The following TMEM232 variants were observed in gnomAD, a reference collection of about 807,000 sequenced individuals.
TMEM232 encodes transmembrane protein 232.
In TMEM232, 80 loss-of-function variants were observed where a neutral mutation model predicts 78.8. The observed-to-expected ratio is 1.01, with a 90% CI of 0.85 to 1.22. The LOEUF (loss-of-function observed/expected upper bound fraction) is 1.22. Ranked by LOEUF, TMEM232 falls within the 50% of genes most tolerant of loss-of-function variation. The pLI is 0.00. For synonymous variants in TMEM232, 297 were observed against 254.3 expected (o/e 1.17, Z -1.60); for missense variants, 881 against 742.2 (o/e 1.19, Z -2.17).
At chr5:110,444,634 C>T (rs1759449571) in intron 12 of TMEM232, among the ~76,000 whole-genome samples, 1 of 152,082 alleles carries the variant, frequency 6.6e-6, no homozygotes, top group South Asian at 2.1e-4. Context: ...TTGCTCTACC[C>T]CTTAAATGTT....
At chr5:110,663,653 C>G (rs950640930) in intron 2 of TMEM232, among the ~76,000 whole-genome samples, 1 of 134,808 alleles carries the variant, frequency 7.4e-6, no homozygotes. Flanking sequence ...GTTAAGTCTC[C>G]CCAAATTGAT....
intron 5 of TMEM232, among the ~76,000 whole-genome samples, chr5:110,635,739 A>T (rs1452474809): frequency 2.0e-5 from 3 of 151,696 alleles, no homozygotes; most frequent in African/African-American, 7.3e-5. Context: ...AATGGCTATT[A>T]TTAAAAAGAC....
intron 1 of TMEM232, among the ~76,000 whole-genome samples, chr5:110,724,953 C>T (rs376934124): frequency 1.4e-4 from 21 of 151,884 alleles, no homozygotes; most frequent in African/African-American, 4.3e-4. Flanking sequence ...CTGTTGAAAA[C>T]GCAATGAAAG....
At chr5:110,588,141 T>C (rs1779085940) in intron 10 of TMEM232, among the ~76,000 whole-genome samples, 1 of 152,104 alleles carries the variant, frequency 6.6e-6, no homozygotes, top group South Asian at 2.1e-4. Flanking sequence ...AAATTATTGC[T>C]CTGTGCTAAT....
At chr5:110,478,542 T>C (rs374060326) in intron 12 of TMEM232, among the ~76,000 whole-genome samples, 5 of 152,014 alleles carry the variant, frequency 3.3e-5, no homozygotes, top group African/African-American at 1.2e-4. Context: ...TTTTCCAACA[T>C]ATTTTGCATG....
intron 12 of TMEM232, among the ~76,000 whole-genome samples, chr5:110,446,824 G>C (rs1186424267): frequency 6.6e-6 from 1 of 152,046 alleles, no homozygotes; most frequent in East Asian, 1.9e-4. Context: ...TGGGTTTGCT[G>C]CATCCCTATA....
intron 6 of TMEM232, among the ~76,000 whole-genome samples, chr5:110,626,649 G>A (rs1287593799): frequency 1.3e-5 from 2 of 151,192 alleles, no homozygotes; most frequent in Non-Finnish European, 3.0e-5. Context: ...AGCTTTTTTT[G>A]AAATAGTTCA....
chr5:110,427,796 C>T (rs138537646), intron 12 of TMEM232, among the ~76,000 whole-genome samples: 1 of 151,974 alleles, frequency 6.6e-6, no homozygotes, highest in Non-Finnish European at 1.5e-5. Flanking sequence ...CCTTCTGTGA[C>T]TCTGGGTGTC....
At chr5:110,422,691 G>T (rs906078714) in intron 13 of TMEM232, among the ~76,000 whole-genome samples, 1 of 152,002 alleles carries the variant, frequency 6.6e-6, no homozygotes, top group African/African-American at 2.4e-5. Context: ...CCAGAAGACA[G>T]CTCTTCCCTC....
chr5:110,730,584 TG>T (rs1798583618), upstream of TMEM232, among the ~76,000 whole-genome samples: 1 of 152,160 alleles, frequency 6.6e-6, no homozygotes. Flanking sequence ...CTCAGAATCA[TG>T]GCGGGAGGTG....
At position 110,605,121 on chromosome 5, in the gene TMEM232, T is replaced by C. The variant is rs138658941; in HGVS notation, c.1264A>G (p.Met422Val). 3,160 of 1,542,600 alleles carry C rather than the reference T, an allele frequency of 2.0e-3. 8 individuals carry two copies. Among genetic ancestry groups the C allele is most frequent in the Non-Finnish European group, 2.5e-3 (2,907 of 1,142,332 alleles). ...ACAATCTACTTACAGTTCTCTGACATTTTTGAAGAGAAATATTCCAAAAGA... is the reference window on the plus strand; with the variant it reads ...ACAATCTACTTACAGTTCTCTGACACTTTTGAAGAGAAATATTCCAAAAGA... ...LSLLEYFSSK[M>V]SENCDQVVWT... Residue 422 changes from methionine to valine, a missense_variant, in exon 10 of 14, where the codon ATG (methionine) becomes GTG (valine). Physicochemically the swap from Met to Val is conservative, Grantham distance 21. Coordinates refer to ENST00000455884, the MANE Select transcript of TMEM232 (RefSeq NM_001039763.4).
chr5:110,496,773 T>C (rs1765689973), intron 12 of TMEM232, among the ~76,000 whole-genome samples: 1 of 152,052 alleles, frequency 6.6e-6, no homozygotes, highest in Non-Finnish European at 1.5e-5. Flanking sequence ...GATGAGGCCA[T>C]CTGATACTGC....
At chr5:110,722,906 T>C (rs1249817579) in intron 1 of TMEM232, among the ~76,000 whole-genome samples, 1 of 152,168 alleles carries the variant, frequency 6.6e-6, no homozygotes, top group East Asian at 1.9e-4. Flanking sequence ...TGAATTCAAT[T>C]TTCTAATATT....
At chr5:110,472,631 C>T (rs1762804929) in intron 12 of TMEM232, among the ~76,000 whole-genome samples, 1 of 151,658 alleles carries the variant, frequency 6.6e-6, no homozygotes, top group African/African-American at 2.4e-5. Context: ...CAAATAAACA[C>T]AACAACACAG....
At chr5:110,457,453 A>AT (rs962390258) in intron 12 of TMEM232, among the ~76,000 whole-genome samples, 11 of 152,228 alleles carry the variant, frequency 7.2e-5, no homozygotes, top group Admixed American at 4.6e-4. Flanking sequence ...CAGTTTGGTT[A>AT]TTTTTTATAC....
chr5:110,608,548 T>G (rs560606455), intron 8 of TMEM232, among the ~76,000 whole-genome samples: 1 of 152,160 alleles, frequency 6.6e-6, no homozygotes, highest in Admixed American at 6.6e-5. Flanking sequence ...CTTTTCTCTT[T>G]CAAGTCTGGA....
chr5:110,466,779 A>AT (rs893550183), intron 12 of TMEM232, among the ~76,000 whole-genome samples: 11 of 150,414 alleles, frequency 7.3e-5, no homozygotes, highest in Non-Finnish European at 1.0e-4. Context: ...CGCCCGGCTA[A>AT]TTTTTTTTTG....
chr5:110,715,418 T>C (rs190931034), intron 1 of TMEM232, among the ~76,000 whole-genome samples: 3 of 152,276 alleles, frequency 2.0e-5, no homozygotes, highest in African/African-American at 2.4e-5. Context: ...GAGGAAATGA[T>C]TGATTTGTGG....
chr5:110,479,441 G>A (rs982170126), intron 12 of TMEM232, among the ~76,000 whole-genome samples: 3 of 151,722 alleles, frequency 2.0e-5, no homozygotes, highest in South Asian at 2.1e-4. Flanking sequence ...AGCCCTTCAT[G>A]TCTCTCTAGT....
Sources: gnomAD v4.1 joint callset for allele counts (sites outside exome capture counted in the v4.1 genomes callset) on GRCh38, gnomAD v4.1.1 for gene constraint, MANE v1.5 for transcripts, NCBI Gene and HGNC (gene_info 2026-07-23, HGNC 2026-07-21) for gene names.